The following RIPOR3 variants were observed in gnomAD, a reference collection of about 807,000 sequenced individuals.
RIPOR3 encodes the protein family with sequence similarity 65 member C.
In RIPOR3, 95 loss-of-function variants were observed where a neutral mutation model predicts 114.3. That is an observed-to-expected ratio of 0.83 (90% CI 0.70 to 0.99). The LOEUF is 0.99. RIPOR3 is among the 50% of genes least tolerant of loss of function. RIPOR3 has a pLI of 0.00. For synonymous variants in RIPOR3, 575 were observed against 543.8 expected, an observed-to-expected ratio of 1.06 and a Z score of -0.80; for missense variants, 1,252 against 1,266.9, an observed-to-expected ratio of 0.99 and a Z score of 0.18.
intron 1 of RIPOR3, among the ~76,000 whole-genome samples, chr20:50,638,103 C>T (rs927054279): frequency 6.6e-6 from 1 of 152,214 alleles, no homozygotes; most frequent in African/African-American, 2.4e-5. Context: ...GAACCAGCTT[C>T]AGGGCAGCCC....
rs2083818894 is a variant in RIPOR3 at position 50,608,625 on chromosome 20, G to T, written c.798C>A (p.Asn266Lys). 1.2e-6 allele frequency: 2 copies of T among 1,613,900 alleles called. No homozygotes were observed. Among genetic ancestry groups the T allele is most frequent in the African/African-American group, 1.3e-5 (1 of 74,918 alleles). The change falls in exon 10 of 22, where the codon AAC becomes AAA. Residue 266 changes from asparagine to lysine, a missense_variant. Physicochemically the swap from Asn to Lys is moderately conservative, Grantham distance 94 (BLOSUM62 0). Coordinates refer to ENST00000327979, the MANE Select transcript of RIPOR3 (RefSeq NM_001290268.2). ...GCCCCATCCCCACCTTGATGTCCAG[G>T]TTCTCATGCAGCGTGGGGATGAAGG... Reference protein sequence around the residue: ...EKAFIPTLHENLDIKVTELRG... With the variant: ...EKAFIPTLHEKLDIKVTELRG...
intron 1 of RIPOR3, among the ~76,000 whole-genome samples, chr20:50,679,277 T>TA (rs11482351): frequency 0.13 from 19,827 of 147,574 alleles, 1,416 homozygotes; most frequent in East Asian, 0.22. Context: ...AGTTTATGGT[T>TA]AAAAAAAAGA....
chr20:50,624,840 CAA>C (rs1162262952), intron 2 of RIPOR3, among the ~76,000 whole-genome samples: 2 of 152,226 alleles, frequency 1.3e-5, no homozygotes, highest in East Asian at 3.9e-4. Flanking sequence ...TCGGCTGTTG[CAA>C]GTGCAGGCTC....
Position 50,677,842 on chromosome 20 carries a change from G to T in RIPOR3, c.3+13284C>A, listed in dbSNP as rs1303581753. Among the ~76,000 whole-genome samples the T allele has an allele frequency of 2.0e-5, 3 of 151,748 alleles. No homozygotes were observed. In the South Asian group the frequency reaches 6.2e-4, roughly 31 times the overall value. ...GTGCCACCACGCCCAGCTAATTTTTGTATTTTTAGTAGAGACGGGGTTTCA... is the reference window on the plus strand; with the variant it reads ...GTGCCACCACGCCCAGCTAATTTTTTTATTTTTAGTAGAGACGGGGTTTCA... On this transcript the variant is annotated intron_variant, in intron 1 of 21. Coordinates refer to ENST00000327979, the MANE Select transcript of RIPOR3 (RefSeq NM_001290268.2).
intron 1 of RIPOR3, among the ~76,000 whole-genome samples, chr20:50,676,260 A>G (rs1255493093): frequency 3.9e-5 from 6 of 152,194 alleles, no homozygotes; most frequent in Non-Finnish European, 5.9e-5. Context: ...CCTGAGAGTC[A>G]GGGGAAGTTG....
chr20:50,669,052 GCA>G (rs916864567), intron 1 of RIPOR3, among the ~76,000 whole-genome samples: 5 of 151,842 alleles, frequency 3.3e-5, no homozygotes, highest in African/African-American at 1.2e-4. Context: ...GCATGCACAT[GCA>G]CACTCACATA....
rs538098082 is a variant in RIPOR3 at position 50,599,916 on chromosome 20, T to TGA, written c.1659+2154_1659+2155dup. On this transcript the variant is annotated intron_variant, in intron 13 of 21. Transcript: ENST00000327979. ...CTCACACACACACTTTTTTTTCTTT[T>TGA]GAGAGAGAGAGTCTCGCTCTGTTGC... Among the ~76,000 whole-genome samples, 67 of 152,160 alleles carry TGA rather than the reference T, an allele frequency of 4.4e-4. No homozygotes were observed. In the South Asian group the frequency reaches 0.011, roughly 25 times the overall value.
chr20:50,620,176 T>G (rs1323291316), intron 2 of RIPOR3, 44 bp from the exon 3 acceptor site: 1 of 1,601,754 alleles, frequency 6.2e-7, no homozygotes, highest in Non-Finnish European at 8.5e-7. Context: ...AGAAGGGCCC[T>G]GACAAAGCCC....
At position 50,656,777 on chromosome 20, in the gene RIPOR3, C is replaced by T. The variant is rs138167075; in HGVS notation, c.4-25921G>A. ...CCTCCCAAAGTGCTGGGATTACAGG[C>T]GTGAGCTACCGTGCCCGGCCAACTC... is the stretch of plus-strand genomic sequence containing the variant. On this transcript the variant is annotated intron_variant, in intron 1 of 21. Coordinates refer to ENST00000327979, the MANE Select transcript of RIPOR3 (RefSeq NM_001290268.2). Among the ~76,000 whole-genome samples, 1,471 of 152,270 alleles carry T rather than the reference C, an allele frequency of 9.7e-3. 17 individuals are homozygous for T. Among genetic ancestry groups the T allele is most frequent in the African/African-American group, 0.034 (1,401 of 41,546 alleles).
intron 1 of RIPOR3, among the ~76,000 whole-genome samples, chr20:50,669,538 A>T (rs1470784800): frequency 1.3e-5 from 2 of 152,188 alleles, no homozygotes; most frequent in African/African-American, 4.8e-5. Context: ...CTGATCATCA[A>T]CACAGACTTT....
rs775721855 is a variant in RIPOR3 at position 50,595,507 on chromosome 20, G to A, written c.1915-3C>T. The A allele has an allele frequency of 1.7e-5, 28 of 1,613,684 alleles. No individual in the cohort carries two copies. The Admixed American group carries it at 4.7e-4, about 27-fold the overall frequency. The stretch of plus-strand genomic sequence containing the variant: ...GATAAATTAGGGGAGGCCAGTTTCT[G>A]GGAAGCAGCCCAGATGCTCCAGATT... On this transcript the variant is annotated splice_region_variant and splice_polypyrimidine_tract_variant and intron_variant, in intron 15 of 21. Transcript: ENST00000327979.
Position 50,615,108 on chromosome 20 carries a change from A to AGTGTGTGTGTGTGTGTGTGTGT in RIPOR3, c.348+872_348+893dup, listed in dbSNP as rs56136460. ...AATTTAATGGGGCATGCTATTTGTG[A>AGTGTGTGTGTGTGTGTGTGTGT]GTGTGTGTGTGTGTGTGTGTGTGTG... is the stretch of plus-strand genomic sequence containing the variant. On this transcript the variant is annotated intron_variant, in intron 4 of 21. Coordinates refer to ENST00000327979, the MANE Select transcript of RIPOR3 (RefSeq NM_001290268.2). 6.5e-4 allele frequency among the ~76,000 whole-genome samples: 90 copies of AGTGTGTGTGTGTGTGTGTGTGT among 138,508 alleles called. 1 individual carries two copies. Among genetic ancestry groups the AGTGTGTGTGTGTGTGTGTGTGT allele is most frequent in the African/African-American group, 1.4e-3 (50 of 36,130 alleles). 90.9% of individuals were successfully genotyped at this position (138,508 alleles called of 152,430 possible). A position where few individuals can be genotyped will look rare whatever the true frequency, so the allele number is the denominator to read the frequency against.
At chr20:50,613,580 T>C (rs2084049959) in intron 4 of RIPOR3, among the ~76,000 whole-genome samples, 1 of 152,178 alleles carries the variant, frequency 6.6e-6, no homozygotes, top group Non-Finnish European at 1.5e-5. Flanking sequence ...GAACCAGCAG[T>C]GTCATGGGAG....
chr20:50,691,270 A>C lies in RIPOR3; in HGVS notation c.-142T>G. The C allele has an allele frequency of 9.5e-7, 1 of 1,056,390 alleles. No homozygotes were observed. The highest frequency in any genetic ancestry group is 1.3e-6 in the Non-Finnish European group (1 of 785,980). The allele number at this position is 1,056,390 out of a possible 1,614,324, so 65.4% of individuals were successfully genotyped here. ...CTAGGGCTCTGCAAATTCCATCCAC[A>C]CTGGCCACCAGCCGCTGGTCCCGCT... On this transcript the variant is annotated 5_prime_UTR_variant, in exon 1 of 22. Transcript: ENST00000327979.
chr20:50,594,997 C>T (rs575754927), intron 16 of RIPOR3: 26 of 499,518 alleles, frequency 5.2e-5, no homozygotes, highest in African/African-American at 3.2e-4. Context: ...GGAGGTCCCA[C>T]GGGGCAGAGG....
At chr20:50,623,385 G>A (rs1447764250) in intron 2 of RIPOR3, among the ~76,000 whole-genome samples, 2 of 152,160 alleles carry the variant, frequency 1.3e-5, no homozygotes. Context: ...GGCCCCTGCA[G>A]GCAGAGCGGG....
chr20:50,587,359 G>A (rs372458701), intron 21 of RIPOR3, 27 bp from the exon 22 acceptor site: 25 of 1,598,740 alleles, frequency 1.6e-5, no homozygotes, highest in African/African-American at 1.5e-4. Flanking sequence ...ACCTGTCAGC[G>A]GGTTGGATCC....
chr20:50,654,429 T>TG (rs1568929855), intron 1 of RIPOR3, among the ~76,000 whole-genome samples: 6 of 130,884 alleles, frequency 4.6e-5, no homozygotes, highest in East Asian at 4.4e-4. Context: ...AGAGTTTTTT[T>TG]TTTTTTTTTT....
At chr20:50,666,986 C>T (rs903796225) in intron 1 of RIPOR3, among the ~76,000 whole-genome samples, 2 of 152,134 alleles carry the variant, frequency 1.3e-5, no homozygotes, top group Non-Finnish European at 2.9e-5. Flanking sequence ...AAAAAGCGGG[C>T]GAGGTATCTG....
Sources: gnomAD v4.1 joint callset for allele counts (sites outside exome capture counted in the v4.1 genomes callset) on GRCh38, gnomAD v4.1.1 for gene constraint, MANE v1.5 for transcripts, NCBI Gene and HGNC (gene_info 2026-07-23, HGNC 2026-07-21) for gene names.